ZNF385D: variants seen among roughly 807,000 people sequenced by gnomAD.
ZNF385D encodes the protein zinc finger protein 385D.
A neutral mutation model predicts 35.8 loss-of-function variants in ZNF385D; 15 were observed. The observed-to-expected ratio is 0.42, with a 90% confidence interval of 0.28 to 0.64. ZNF385D has a LOEUF of 0.64. Ranked by LOEUF, ZNF385D falls within the 30% of genes least tolerant of loss-of-function variation. The pLI is 0.23. For synonymous variants in ZNF385D, 212 were observed against 186.8 expected (o/e 1.13, Z -1.10); for missense variants, 474 against 494.6 (o/e 0.96, Z 0.39).
At chr3:22,059,234 G>T (rs13086583) in intron 3 of ZNF385D, among the ~76,000 whole-genome samples, 11,021 of 152,230 alleles carry the variant, frequency 0.072, 445 homozygotes, top group East Asian at 0.1. Flanking sequence ...TCAGTGACAG[G>T]TGTGTGGGTA....
intron 2 of ZNF385D, among the ~76,000 whole-genome samples, chr3:21,583,171 A>G (rs3912094): frequency 0.029 from 4,339 of 152,208 alleles, 140 homozygotes; most frequent in South Asian, 0.11. Context: ...ATAAACTACA[A>G]TATAAACTAT....
intron 4 of ZNF385D, among the ~76,000 whole-genome samples, chr3:21,460,396 G>A (rs879385001): frequency 6.6e-6 from 1 of 152,120 alleles, no homozygotes; most frequent in Non-Finnish European, 1.5e-5. Context: ...ATAAAACAGT[G>A]GGTGGATAAT....
intron 1 of ZNF385D, among the ~76,000 whole-genome samples, chr3:21,677,036 A>G (rs1406460077): frequency 1.3e-5 from 2 of 152,102 alleles, no homozygotes; most frequent in African/African-American, 4.8e-5. Context: ...GCTATCACCA[A>G]TGCAACACAT....
At chr3:22,340,559 T>G (rs1695377459) in intron 2 of ZNF385D, among the ~76,000 whole-genome samples, 1 of 152,088 alleles carries the variant, frequency 6.6e-6, no homozygotes, top group Non-Finnish European at 1.5e-5. Flanking sequence ...GGCAGGAGAA[T>G]CGCTTGAACC....
intron 3 of ZNF385D, among the ~76,000 whole-genome samples, chr3:22,036,407 A>G (rs1188181099): frequency 6.6e-6 from 1 of 152,202 alleles, no homozygotes; most frequent in Admixed American, 6.5e-5. Context: ...AAATGAATTC[A>G]GTAGGAAAAG....
rs115254357 is a variant in ZNF385D at position 21,995,152 on chromosome 3, G to A, written c.325+173665C>T. ...AATAAGCCAACCTTCAGGCCCCTAG[G>A]CAACAACACAGAGGTGCCAGCAGTG... On this transcript the variant is annotated intron_variant, in intron 3 of 5. Coordinates refer to the ZNF385D transcript ENST00000494108. Among the ~76,000 whole-genome samples, 927 of 152,298 alleles carry A rather than the reference G, an allele frequency of 6.1e-3. 8 individuals are homozygous for A. Among genetic ancestry groups the A allele is most frequent in the African/African-American group, 0.021 (871 of 41,570 alleles).
At chr3:21,971,075 T>C (rs933844120) in intron 3 of ZNF385D, among the ~76,000 whole-genome samples, 2 of 152,102 alleles carry the variant, frequency 1.3e-5, no homozygotes, top group Admixed American at 6.6e-5. Flanking sequence ...AAGGGAGCTC[T>C]TCAATTTGAA....
At chr3:21,495,728 A>G (rs1036852578) in intron 4 of ZNF385D, among the ~76,000 whole-genome samples, 3 of 152,118 alleles carry the variant, frequency 2.0e-5, no homozygotes, top group Admixed American at 2.0e-4. Flanking sequence ...AGTGAGATGT[A>G]AAAAAACATA....
chr3:22,096,746 T>A (rs984431104), intron 3 of ZNF385D, among the ~76,000 whole-genome samples: 7 of 152,058 alleles, frequency 4.6e-5, no homozygotes, highest in African/African-American at 1.7e-4. Context: ...TCATGGCACA[T>A]GAAACAGGAT....
rs559645556 is a variant in ZNF385D at position 21,886,955 on chromosome 3, T to C, written c.326-221927A>G. Among the ~76,000 whole-genome samples the C allele has an allele frequency of 2.0e-5, 3 of 152,248 alleles. No individual in the cohort carries two copies. In the South Asian group the frequency reaches 6.2e-4, roughly 32 times the overall value. On this transcript the variant is annotated intron_variant, in intron 3 of 5. Coordinates refer to the ZNF385D transcript ENST00000494108. ...AATGACTAGAACGTCTGCCACTCCA[T>C]TCAACGCCACACGTTTTCAAAGGAT...
At chr3:21,999,941 T>C (rs1302410629) in intron 3 of ZNF385D, among the ~76,000 whole-genome samples, 1 of 152,104 alleles carries the variant, frequency 6.6e-6, no homozygotes, top group Non-Finnish European at 1.5e-5. Context: ...TAACAAGTTC[T>C]CAAGTTTGGA....
intron 2 of ZNF385D, among the ~76,000 whole-genome samples, chr3:22,265,557 C>T (rs886473657): frequency 1.4e-4 from 21 of 151,918 alleles, no homozygotes; most frequent in African/African-American, 4.8e-4. Flanking sequence ...TTGACCTTGT[C>T]GCCATCAACC....
chr3:22,304,104 C>T (rs1195846974), intron 2 of ZNF385D, among the ~76,000 whole-genome samples: 2 of 152,090 alleles, frequency 1.3e-5, no homozygotes, highest in African/African-American at 4.8e-5. Context: ...CATAAAGCTT[C>T]AACTATAATT....
intron 2 of ZNF385D, among the ~76,000 whole-genome samples, chr3:22,173,822 G>A (rs1166599452): frequency 6.6e-6 from 1 of 152,008 alleles, no homozygotes; most frequent in East Asian, 1.9e-4. Flanking sequence ...CCTGTGACTA[G>A]GTAGGTAAAT....
chr3:21,755,537 G>A (rs755199068), upstream of ZNF385D, among the ~76,000 whole-genome samples: 33 of 152,270 alleles, frequency 2.2e-4, no homozygotes, highest in Non-Finnish European at 4.1e-4. Context: ...TTGGGTGTCT[G>A]TTTAAATATT....
At chr3:21,500,962 G>A (rs1706313303) in intron 4 of ZNF385D, among the ~76,000 whole-genome samples, 1 of 152,108 alleles carries the variant, frequency 6.6e-6, no homozygotes, top group African/African-American at 2.4e-5. Context: ...CTTGCCCCAC[G>A]TGTGCCTGGC....
chr3:22,161,016 T>C (rs1705915766), intron 3 of ZNF385D, among the ~76,000 whole-genome samples: 1 of 152,092 alleles, frequency 6.6e-6, no homozygotes, highest in African/African-American at 2.4e-5. Flanking sequence ...AATCTAATCT[T>C]CAAATTTCTG....
At chr3:22,143,059 TTGTG>T (rs57448532) in intron 3 of ZNF385D, among the ~76,000 whole-genome samples, 2,481 of 140,950 alleles carry the variant, frequency 0.018, 34 homozygotes, top group African/African-American at 0.025. Flanking sequence ...ATTAAATCGG[TTGTG>T]TGTGTGTGTG....
intron 3 of ZNF385D, among the ~76,000 whole-genome samples, chr3:21,864,451 C>G (rs1425211373): frequency 6.6e-6 from 1 of 152,074 alleles, no homozygotes; most frequent in African/African-American, 2.4e-5. Flanking sequence ...AGCAGTGTAA[C>G]TGGAAAAGTT....
Sources: gnomAD v4.1 joint callset for allele counts (sites outside exome capture counted in the v4.1 genomes callset) on GRCh38, gnomAD v4.1.1 for gene constraint, MANE v1.5 for transcripts, NCBI Gene and HGNC (gene_info 2026-07-23, HGNC 2026-07-21) for gene names.